The following DLG1 variants were observed in gnomAD, a reference collection of about 807,000 sequenced individuals.
DLG1 encodes the protein disks large homolog 1.
In DLG1, 42 loss-of-function variants were observed where a neutral mutation model predicts 123.4. The observed-to-expected ratio is 0.34, with a 90% CI of 0.27 to 0.44. The LOEUF (loss-of-function observed/expected upper bound fraction) is 0.44, where lower values mean the gene tolerates loss of function less well. DLG1 is among the 20% of genes least tolerant of loss of function. DLG1 has a pLI of 1.00. For missense variants in DLG1, 942 were observed against 1,082.6 expected (o/e 0.87, Z 1.82); for synonymous variants, 317 against 356.2 (o/e 0.89, Z 1.24).
chr3:197,282,234 T>C (rs1259151105), intron 4 of DLG1, among the ~76,000 whole-genome samples: 1 of 152,228 alleles, frequency 6.6e-6, no homozygotes, highest in Non-Finnish European at 1.5e-5. Flanking sequence ...CAGTCTCTAG[T>C]GAGTTTGAAT....
chr3:197,072,692 A>C (rs150709451), intron 18 of DLG1, among the ~76,000 whole-genome samples: 2,017 of 151,424 alleles, frequency 0.013, 43 homozygotes, highest in African/African-American at 0.044. Context: ...AAAAAAAAAA[A>C]AACAAAAAAA....
chr3:197,064,315 T>C (rs746337193), intron 22 of DLG1, among the ~76,000 whole-genome samples: 1 of 151,718 alleles, frequency 6.6e-6, no homozygotes, highest in African/African-American at 2.4e-5. Flanking sequence ...TGCCTCAGCC[T>C]CCTGAGAAGC....
At chr3:197,115,441 A>T (rs1485248919) in intron 13 of DLG1, among the ~76,000 whole-genome samples, 1 of 152,168 alleles carries the variant, frequency 6.6e-6, no homozygotes, top group Non-Finnish European at 1.5e-5. Flanking sequence ...ATTATAAATC[A>T]AGATGTTCAT....
intron 18 of DLG1, among the ~76,000 whole-genome samples, 167 bp downstream of exon 18, chr3:197,076,419 A>G (rs977049442): frequency 4.6e-5 from 7 of 152,250 alleles, no homozygotes; most frequent in African/African-American, 1.7e-4. Context: ...GGTGCCAGAA[A>G]AAGTTAAGAT....
chr3:197,250,247 T>C (rs569159545), intron 4 of DLG1, among the ~76,000 whole-genome samples: 18 of 152,248 alleles, frequency 1.2e-4, no homozygotes, highest in African/African-American at 4.1e-4. Context: ...AATAGCATTA[T>C]ATATACCAAC....
chr3:197,273,220 GTA>G (rs561197409), intron 4 of DLG1, among the ~76,000 whole-genome samples: 2 of 144,750 alleles, frequency 1.4e-5, no homozygotes, highest in African/African-American at 5.3e-5. Flanking sequence ...GTATGTGTGT[GTA>G]TATATATATA....
Position 197,204,807 on chromosome 3 carries a change from A to C in DLG1, c.319-10218T>G, listed in dbSNP as rs576987795. 2.5e-4 allele frequency among the ~76,000 whole-genome samples: 38 copies of C among 152,340 alleles called. No individual in the cohort carries two copies. In the South Asian group the frequency reaches 7.7e-3, roughly 31 times the overall value. ...GTTATATGCAAATACTATGTCTTCTATGACTTGGGCATCAGCATCCACTGA... is the reference window on the plus strand; with the variant it reads ...GTTATATGCAAATACTATGTCTTCTCTGACTTGGGCATCAGCATCCACTGA... On this transcript the variant is annotated intron_variant, in intron 4 of 24. Coordinates refer to ENST00000667157, the MANE Select transcript of DLG1 (RefSeq NM_001366207.1).
intron 5 of DLG1, among the ~76,000 whole-genome samples, chr3:197,191,951 G>A (rs1719836377): frequency 6.6e-6 from 1 of 152,064 alleles, no homozygotes; most frequent in South Asian, 2.1e-4. Flanking sequence ...CAAGGGAAGA[G>A]GATTACTTGA....
At chr3:197,082,718 A>G (rs769968036) in intron 16 of DLG1, among the ~76,000 whole-genome samples, 1 of 152,186 alleles carries the variant, frequency 6.6e-6, no homozygotes, top group Non-Finnish European at 1.5e-5. Context: ...GAAATGGCAT[A>G]ATTAGTTGTG....
intron 4 of DLG1, among the ~76,000 whole-genome samples, chr3:197,209,281 G>T (rs576253991): frequency 6.8e-6 from 1 of 146,468 alleles, no homozygotes; most frequent in South Asian, 2.5e-4. Context: ...TCAAGACAGA[G>T]TATTTATCTA....
chr3:197,052,156 T>A (rs947542933), intron 23 of DLG1, among the ~76,000 whole-genome samples: 2 of 150,602 alleles, frequency 1.3e-5, no homozygotes, highest in Non-Finnish European at 3.0e-5. Context: ...CTGGGATTTT[T>A]AAAAATAAAA....
chr3:197,290,654 C>T (rs907491672), intron 3 of DLG1, among the ~76,000 whole-genome samples: 2 of 152,024 alleles, frequency 1.3e-5, no homozygotes, highest in Non-Finnish European at 2.9e-5. Context: ...TCAAAATCAT[C>T]AATCTCAGCT....
intron 6 of DLG1, among the ~76,000 whole-genome samples, chr3:197,147,883 A>T (rs564700277): frequency 6.6e-6 from 1 of 151,744 alleles, no homozygotes; most frequent in Non-Finnish European, 1.5e-5. Flanking sequence ...AATTAAAAAA[A>T]AAAAAGAAAT....
chr3:197,082,583 T>C (rs570836633), intron 16 of DLG1, among the ~76,000 whole-genome samples: 2 of 152,282 alleles, frequency 1.3e-5, no homozygotes, highest in South Asian at 4.1e-4. Context: ...ATTGTCTATA[T>C]TTGTAAATAT....
At chr3:197,053,591 G>C (rs1341931780) in intron 23 of DLG1, among the ~76,000 whole-genome samples, 1 of 151,700 alleles carries the variant, frequency 6.6e-6, no homozygotes, top group Non-Finnish European at 1.5e-5. Context: ...GGCCAACATG[G>C]TGAAATCCCG....
At chr3:197,197,184 T>G (rs1014259774) in intron 4 of DLG1, among the ~76,000 whole-genome samples, 1 of 152,214 alleles carries the variant, frequency 6.6e-6, no homozygotes, top group Non-Finnish European at 1.5e-5. Flanking sequence ...GACCTTTTGC[T>G]TCCGTATTTC....
chr3:197,145,983 G>A (rs1790573776), intron 6 of DLG1, among the ~76,000 whole-genome samples: 1 of 151,302 alleles, frequency 6.6e-6, no homozygotes, highest in South Asian at 2.1e-4. Flanking sequence ...AACAGAGTGA[G>A]ACACTGTCTC....
At chr3:197,246,125 G>A (rs2340271) in intron 4 of DLG1, among the ~76,000 whole-genome samples, 62,327 of 151,938 alleles carry the variant, frequency 0.41, 14,029 homozygotes, top group East Asian at 0.73. Context: ...ATGTTTGAGC[G>A]GACCGATTAT....
Position 197,210,689 on chromosome 3 carries a change from C to G in DLG1, c.319-16100G>C, listed in dbSNP as rs1730871498. Among the ~76,000 whole-genome samples, 3 of 140,246 alleles carry G rather than the reference C, an allele frequency of 2.1e-5. 1 individual carries two copies. In the South Asian group the frequency reaches 8.3e-4, roughly 39 times the overall value. 92.0% of individuals were successfully genotyped at this position (140,246 alleles called of 152,430 possible). On this transcript the variant is annotated intron_variant, in intron 4 of 24. Coordinates refer to ENST00000667157, the MANE Select transcript of DLG1 (RefSeq NM_001366207.1). ...TTTAATATATATTAAAGAATTCAAT[C>G]TGTTACCAAAATTCTTCCCACTGAG...
Sources: gnomAD v4.1 joint callset for allele counts (sites outside exome capture counted in the v4.1 genomes callset) on GRCh38, gnomAD v4.1.1 for gene constraint, MANE v1.5 for transcripts, NCBI Gene and HGNC (gene_info 2026-07-23, HGNC 2026-07-21) for gene names.